MEIOSIN: variants seen among roughly 807,000 people sequenced by gnomAD.
The protein encoded by MEIOSIN is meiosis initiator.
Under a neutral mutation model 23.4 loss-of-function variants are expected in MEIOSIN, and 18 were observed. The observed-to-expected ratio is 0.77, with a 90% confidence interval of 0.53 to 1.14. The LOEUF (loss-of-function observed/expected upper bound fraction) is 1.14. Among genes scored for constraint, MEIOSIN ranks in the 50% most tolerant of loss-of-function variants. The pLI is 0.00. For synonymous variants in MEIOSIN, 187 were observed against 100.6 expected (o/e 1.86, Z -5.14); for missense variants, 428 against 242.9 (o/e 1.76, Z -5.07).
At chr19:45,763,506 C>A (rs1183037207) in intron 14 of MEIOSIN, 79 bp downstream of exon 14, 4 of 398,152 alleles carry the variant, frequency 1.0e-5, no homozygotes, top group Non-Finnish European at 1.8e-5. Flanking sequence ...GTCTCTGGAG[C>A]CTTGGGTGTC....
chr19:45,747,101 C>T (rs1485342468), intron 4 of MEIOSIN, among the ~76,000 whole-genome samples: 1 of 152,190 alleles, frequency 6.6e-6, no homozygotes, highest in Non-Finnish European at 1.5e-5. Flanking sequence ...GGACTGGCAA[C>T]GTTTCATAAA....
At chr19:45,741,379 G>A (rs1191920080) in intron 3 of MEIOSIN, among the ~76,000 whole-genome samples, 1 of 151,924 alleles carries the variant, frequency 6.6e-6, no homozygotes, top group Non-Finnish European at 1.5e-5. Flanking sequence ...TAACAATTGT[G>A]GTTTATGATA....
chr19:45,758,709 G>A (rs560136761), intron 9 of MEIOSIN, among the ~76,000 whole-genome samples, 169 bp from the exon 10 acceptor site: 8 of 152,342 alleles, frequency 5.3e-5, no homozygotes, highest in East Asian at 1.9e-4. Flanking sequence ...GGTTACAGGC[G>A]TGAGCCATCG....
rs1363914496 is a variant in MEIOSIN, at chr19:45,757,207, G to A, written c.942G>A (p.Glu314=). 1 of 702,962 alleles carries A rather than the reference G, an allele frequency of 1.4e-6. No homozygotes were observed. Among genetic ancestry groups the A allele is most frequent in the Admixed American group, 2.0e-5 (1 of 50,012 alleles). 43.5% of individuals were successfully genotyped at this position (702,962 alleles called of 1,614,324 possible). A position where few individuals can be genotyped will look rare whatever the true frequency, so the allele number is the denominator to read the frequency against. ...RQKLVFYDSS[E]DVDKGSLDAD... The stretch of plus-strand genomic sequence containing the variant: ...AGCTGGTGTTCTATGATTCCAGCGA[G>A]GATGTGGACAAAGGGTCCCTAGACG... The change falls in exon 9 of 15, where the codon GAG becomes GAA. Residue 314 remains glutamate, a synonymous_variant. Coordinates refer to ENST00000457052, the MANE Select transcript of MEIOSIN (RefSeq NM_001310124.2).
intron 11 of MEIOSIN, 102 bp from the exon 12 acceptor site, chr19:45,761,577 G>A (rs1035698860): frequency 3.3e-6 from 2 of 608,384 alleles, no homozygotes; most frequent in Admixed American, 2.5e-5. Flanking sequence ...GCCAATCTGA[G>A]CTGCTGCTAA....
At chr19:45,762,585 A>G (rs991625871) in intron 13 of MEIOSIN, among the ~76,000 whole-genome samples, 2 of 152,030 alleles carry the variant, frequency 1.3e-5, no homozygotes, top group Non-Finnish European at 2.9e-5. Context: ...AGTAGCTGGG[A>G]TAACAGGCGC....
chr19:45,759,121 G>A, intron 10 of MEIOSIN, 88 bp downstream of exon 10: 1 of 683,352 alleles, frequency 1.5e-6, no homozygotes, highest in Non-Finnish European at 2.7e-6. Flanking sequence ...GGTGCCCGGG[G>A]TGAATCCTGC....
rs1353491144 is a variant in MEIOSIN at position 45,761,666 on chromosome 19, C to T, written c.1246-13C>T. 1.4e-6 allele frequency: 1 copy of T among 701,378 alleles called. No individual in the cohort carries two copies. Among genetic ancestry groups the T allele is most frequent in the Admixed American group, 2.0e-5 (1 of 49,846 alleles). The allele number at this position is 701,378 out of a possible 1,614,324, so 43.4% of individuals were successfully genotyped here. A position where few individuals can be genotyped will look rare whatever the true frequency, so the allele number is the denominator to read the frequency against. ...TGTCTCCCCTCCCATCTTTCTCCCTCATCATGCCCCAGGACACAGCCTCCA... is the reference window on the plus strand; with the variant it reads ...TGTCTCCCCTCCCATCTTTCTCCCTTATCATGCCCCAGGACACAGCCTCCA... On this transcript the variant is annotated splice_polypyrimidine_tract_variant and intron_variant, in intron 11 of 14. Transcript: ENST00000457052.
intron 11 of MEIOSIN, among the ~76,000 whole-genome samples, chr19:45,759,930 T>A (rs1031954094): frequency 3.3e-5 from 5 of 152,142 alleles, no homozygotes; most frequent in African/African-American, 1.2e-4. Context: ...GCCCCCCTAG[T>A]AGCTGGGATT....
chr19:45,738,256 T>C (rs925784237), intron 2 of MEIOSIN, among the ~76,000 whole-genome samples: 3 of 152,220 alleles, frequency 2.0e-5, no homozygotes, highest in African/African-American at 7.2e-5. Flanking sequence ...CAACTATCTC[T>C]TCATTAACTC....
chr19:45,739,563 G>T, intron 2 of MEIOSIN, 63 bp from the exon 3 acceptor site: 1 of 700,762 alleles, frequency 1.4e-6, no homozygotes, highest in Non-Finnish European at 2.6e-6. Flanking sequence ...GATTGACTCT[G>T]ATTGGCCAAA....
At chr19:45,745,131 G>A (rs935622470) in intron 3 of MEIOSIN, 61 bp from the exon 4 acceptor site, 13 of 700,612 alleles carry the variant, frequency 1.9e-5, no homozygotes, top group East Asian at 5.4e-5. Context: ...GGAGGTTTGC[G>A]GGTTGGATGT....
rs1173134589 is a variant in MEIOSIN at position 45,760,840 on chromosome 19, A to G, written c.1246-839A>G. 2.0e-5 allele frequency among the ~76,000 whole-genome samples: 3 copies of G among 151,734 alleles called. No individual in the cohort carries two copies. In the East Asian group the frequency reaches 5.8e-4, roughly 29 times the overall value. On this transcript the variant is annotated intron_variant, in intron 11 of 14. Transcript: ENST00000457052. Reference sequence around the variant, plus strand: ...TTACTCAGGAGTCTGAGGCAGGAGAATCACTTGAACCCAAGAGGTGGAGAA... The same window carrying G: ...TTACTCAGGAGTCTGAGGCAGGAGAGTCACTTGAACCCAAGAGGTGGAGAA...
At position 45,761,965 on chromosome 19, in the gene MEIOSIN, G is replaced by A. The variant is rs1180414624; in HGVS notation, c.1461G>A (p.Thr487=). ...REDMQANPVG[T]PGSSEEDEDT... ...ATATGCAGGCCAACCCTGTGGGCAC[G>A]CCGGGCTCCAGCGAAGAGGACGAAG... The change falls in exon 13 of 15, where the codon ACG becomes ACA. Residue 487 remains threonine, a synonymous_variant. Coordinates refer to ENST00000457052, the MANE Select transcript of MEIOSIN (RefSeq NM_001310124.2). The A allele has an allele frequency of 3.0e-5, 17 of 561,760 alleles. 1 individual carries two copies. In the Admixed American group the frequency reaches 3.1e-4, roughly 10 times the overall value. 34.8% of individuals were successfully genotyped at this position (561,760 alleles called of 1,614,324 possible).
intron 2 of MEIOSIN, among the ~76,000 whole-genome samples, chr19:45,736,558 A>G (rs1968411348): frequency 6.6e-6 from 1 of 151,326 alleles, no homozygotes; most frequent in Non-Finnish European, 1.5e-5. Flanking sequence ...TAGTAGAGAC[A>G]GGGTCTCACT....
intron 3 of MEIOSIN, 79 bp from the exon 4 acceptor site, chr19:45,745,111 AAC>A (rs1312572616): frequency 4.3e-6 from 3 of 693,420 alleles, no homozygotes; most frequent in Non-Finnish European, 7.9e-6. Context: ...TAAAATGAGT[AAC>A]ACAGACAGGA....
chr19:45,739,578 G>C (rs1244715378), intron 2 of MEIOSIN, 48 bp from the exon 3 acceptor site: 1 of 701,560 alleles, frequency 1.4e-6, no homozygotes, highest in Non-Finnish European at 2.6e-6. Context: ...GCCAAACCTA[G>C]GATTACCACT....
intron 3 of MEIOSIN, 84 bp downstream of exon 3, chr19:45,739,814 A>T: frequency 1.4e-6 from 1 of 692,300 alleles, no homozygotes; most frequent in African/African-American, 1.8e-5. Context: ...CCCTAAAATC[A>T]TTCTGACAAA....
At chr19:45,734,154 G>A (rs1280166512) in intron 1 of MEIOSIN, among the ~76,000 whole-genome samples, 2 of 152,080 alleles carry the variant, frequency 1.3e-5, no homozygotes, top group South Asian at 2.1e-4. Context: ...ATCTGGAGTC[G>A]CAGTTTGAGT....
Sources: allele counts gnomAD v4.1 joint callset (sites outside exome capture counted in the v4.1 genomes callset), GRCh38; gene constraint gnomAD v4.1.1; transcripts MANE v1.5; gene names NCBI Gene and HGNC (gene_info 2026-07-23, HGNC 2026-07-21).